The following SNED1 variants were observed in gnomAD, a reference collection of about 807,000 sequenced individuals.
SNED1 encodes sushi, nidogen and EGF-like domain-containing protein 1.
A neutral mutation model predicts 166.7 loss-of-function variants in SNED1; 81 were observed. That is an observed-to-expected ratio of 0.49 (90% CI 0.41 to 0.58). The LOEUF (loss-of-function observed/expected upper bound fraction) is 0.58. Among genes scored for constraint, SNED1 ranks in the 20% least tolerant of loss-of-function variants. SNED1 has a pLI of 0.00. For synonymous variants in SNED1, 762 were observed against 822.0 expected, an observed-to-expected ratio of 0.93 and a Z score of 1.25; for missense variants, 1,604 against 2,000.2, an observed-to-expected ratio of 0.80 and a Z score of 3.78.
intron 30 of SNED1, 106 bp from the exon 31 acceptor site, chr2:241,088,259 G>A (rs1436139184): frequency 2.5e-6 from 2 of 806,704 alleles, no homozygotes; most frequent in East Asian, 2.4e-5. Context: ...TGGAATGTAT[G>A]TGAGCTAAAG....
At chr2:241,079,752 CATTGCAAGCG>C (rs2063239352) in intron 27 of SNED1, among the ~76,000 whole-genome samples, 1 of 152,090 alleles carries the variant, frequency 6.6e-6, no homozygotes, top group Non-Finnish European at 1.5e-5. Flanking sequence ...AAAAAAATAT[CATTGCAAGCG>C]ATTTTAATAA....
chr2:241,094,034 G>C lies in SNED1; in HGVS notation c.*2398G>C, dbSNP rs548281030. 1.3e-4 allele frequency: 40 copies of C among 297,250 alleles called. 1 individual carries two copies. Among genetic ancestry groups the C allele is most frequent in the South Asian group, 8.1e-4 (28 of 34,396 alleles). 18.4% of individuals were successfully genotyped at this position (297,250 alleles called of 1,614,324 possible). Reference sequence around the variant, plus strand: ...TCCGACTGGGTACAACAACAGCCTAGGTTCTAGGGAGGGTGGCAGTGACCG... The same window carrying C: ...TCCGACTGGGTACAACAACAGCCTACGTTCTAGGGAGGGTGGCAGTGACCG... On this transcript the variant is annotated 3_prime_UTR_variant, in exon 32 of 32. Transcript: ENST00000310397. This position sits in a 1 kb window ranked among gnomAD's most constrained non-coding sequence, Gnocchi z 4.3.
intron 31 of SNED1, 74 bp downstream of exon 31, chr2:241,088,476 T>G (rs942874209): frequency 8.2e-6 from 10 of 1,226,676 alleles, no homozygotes; most frequent in Non-Finnish European, 1.2e-5. Context: ...AGCCCCGGGA[T>G]CTCAGAGTGC....
At chr2:241,002,024 G>A (rs898691869) in intron 1 of SNED1, among the ~76,000 whole-genome samples, 2 of 152,152 alleles carry the variant, frequency 1.3e-5, no homozygotes, top group African/African-American at 4.8e-5. Context: ...TTACCATCCA[G>A]GCACAGTCCC....
chr2:241,021,833 T>C (rs555255433), intron 1 of SNED1, among the ~76,000 whole-genome samples: 1 of 152,354 alleles, frequency 6.6e-6, no homozygotes, highest in East Asian at 1.9e-4. Flanking sequence ...TTTGTTTAAT[T>C]ATTTGAGGAA....
At chr2:241,058,206 C>T (rs55775331) in intron 16 of SNED1, among the ~76,000 whole-genome samples, 3,307 of 152,204 alleles carry the variant, frequency 0.022, 53 homozygotes, top group Middle Eastern at 0.044. Context: ...GAGGGTGTCT[C>T]TCAATGATAA....
Position 240,999,315 on chromosome 2 carries a change from T to G in SNED1, c.213+265T>G, listed in dbSNP as rs1382648310. ...GCGGCGCCCCGGCCCCTGCCAGACC[T>G]GCCGAGCGCGTCTTCCCGGCGCCTG... On this transcript the variant is annotated intron_variant, in intron 1 of 31. Transcript: ENST00000310397. The surrounding 1 kb of genome is among the most constrained non-coding windows in gnomAD (Gnocchi z 5.8). Among the ~76,000 whole-genome samples, 1 of 151,466 alleles carries G rather than the reference T, an allele frequency of 6.6e-6. No individual in the cohort carries two copies. The highest frequency in any genetic ancestry group is 1.5e-5 in the Non-Finnish European group (1 of 67,780).
Position 241,040,082 on chromosome 2 carries a change from C to A in SNED1, c.1053C>A (p.Ser351=). The stretch of plus-strand genomic sequence containing the variant: ...TACACCTCCTCACTCTAGCCCAATC[C>A]CCCTGTGACACCAAAGAGTGTCAAC... The part of the protein sequence containing the change: ...FGGPTCETAQ[S]PCDTKECQHG... Residue 351 remains serine (S), a synonymous_variant, in exon 7 of 32, where the codon TCC becomes TCA. Transcript: ENST00000310397. 2 of 1,580,846 alleles carry A rather than the reference C, an allele frequency of 1.3e-6. No individual in the cohort carries two copies. The highest frequency in any genetic ancestry group is 2.3e-5 in the East Asian group (1 of 43,146).
rs1209340446 is a variant in SNED1 at position 241,064,710 on chromosome 2, G to A, written c.2600-134G>A. The A allele has an allele frequency of 2.1e-5, 13 of 613,534 alleles. No individual in the cohort carries two copies. The highest frequency in any genetic ancestry group is 3.0e-4 in the Middle Eastern group (1 of 3,306). The allele number at this position is 613,534 out of a possible 1,614,324, so 38.0% of individuals were successfully genotyped here. On this transcript the variant is annotated intron_variant, in intron 19 of 31. Transcript: ENST00000310397. This position sits in a 1 kb window ranked among gnomAD's most constrained non-coding sequence, Gnocchi z 7.0. ...GTGGAGGTGGCAGAACCGAAGGGAGGCAGTAGCTGTCCTGTGCCCCCCGCC... is the reference window on the plus strand; with the variant it reads ...GTGGAGGTGGCAGAACCGAAGGGAGACAGTAGCTGTCCTGTGCCCCCCGCC...
intron 2 of SNED1, chr2:241,033,517 G>T: frequency 3.7e-6 from 2 of 539,510 alleles, no homozygotes; most frequent in Non-Finnish European, 6.5e-6. Context: ...AATAGTTGTG[G>T]GTTGCAGACG....
intron 27 of SNED1, chr2:241,074,838 C>T (rs1337158029): frequency 2.0e-5 from 3 of 152,128 alleles, no homozygotes; most frequent in Non-Finnish European, 2.9e-5. Flanking sequence ...TGAACGATAC[C>T]TTCTATCTTG....
chr2:241,059,287 C>T (rs577472156), intron 16 of SNED1, among the ~76,000 whole-genome samples: 3 of 152,318 alleles, frequency 2.0e-5, no homozygotes, highest in South Asian at 4.1e-4. Context: ...GATTGCTTCA[C>T]GGATGAATTC....
intron 29 of SNED1, 107 bp from the exon 30 acceptor site, chr2:241,087,285 T>C: frequency 1.0e-6 from 1 of 980,196 alleles, no homozygotes; most frequent in Non-Finnish European, 1.5e-6. Context: ...TAGCAGTTTT[T>C]CCCTCAAACA....
At chr2:241,005,347 G>A (rs749146637) in intron 1 of SNED1, among the ~76,000 whole-genome samples, 2 of 151,938 alleles carry the variant, frequency 1.3e-5, no homozygotes, top group Non-Finnish European at 2.9e-5. Context: ...GGGACTACAG[G>A]TGCCCACCAT....
chr2:241,036,745 T>TCCGGAGGCAGC (rs2061383934), intron 4 of SNED1, 45 bp from the exon 5 acceptor site: 1 of 1,599,666 alleles, frequency 6.3e-7, no homozygotes, highest in Admixed American at 1.7e-5. Context: ...TCCTGCCGAG[T>TCCGGAGGCAGC]CCGGAGGCAG....
At chr2:241,070,746 T>TCCCGAACGCCCCACTTAGGTCTTC (rs2062668732) in intron 24 of SNED1, among the ~76,000 whole-genome samples, 1 of 152,036 alleles carries the variant, frequency 6.6e-6, no homozygotes, top group Admixed American at 6.6e-5. Flanking sequence ...TCCACCAGGG[T>TCCCGAACGCCCCACTTAGGTCTTC]CCCGAACGCC....
intron 1 of SNED1, among the ~76,000 whole-genome samples, chr2:241,002,340 C>T (rs1047221876): frequency 2.6e-5 from 4 of 152,208 alleles, no homozygotes; most frequent in African/African-American, 9.7e-5. Flanking sequence ...CATCTCTGCT[C>T]TCTTCTGAGC....
chr2:241,020,179 T>A (rs2060729255), intron 1 of SNED1, among the ~76,000 whole-genome samples: 1 of 152,278 alleles, frequency 6.6e-6, no homozygotes, highest in Non-Finnish European at 1.5e-5. Context: ...GATCTGGCCC[T>A]TCCCAGAAAG....
chr2:241,061,986 T>C (rs997899634), intron 16 of SNED1, among the ~76,000 whole-genome samples: 4 of 152,202 alleles, frequency 2.6e-5, no homozygotes, highest in Admixed American at 6.5e-5. Context: ...TGAAAATCTA[T>C]GAACCACAGT....
Sources: allele counts gnomAD v4.1 joint callset (sites outside exome capture counted in the v4.1 genomes callset), GRCh38; gene constraint gnomAD v4.1.1; non-coding constraint Gnocchi (gnomAD v3.1); transcripts MANE v1.5; gene names NCBI Gene and HGNC (gene_info 2026-07-23, HGNC 2026-07-21).